The following NCALD variants were observed in gnomAD, a reference collection of about 807,000 sequenced individuals.
The protein encoded by NCALD is neurocalcin-delta.
In NCALD, 10 loss-of-function variants were observed where a neutral mutation model predicts 18.6. The ratio of observed to expected loss-of-function variants is 0.54; its 90% CI spans 0.33 to 0.91. The LOEUF is 0.91. Among genes scored for constraint, NCALD ranks in the 40% least tolerant of loss-of-function variants. The probability of loss-of-function intolerance (pLI) is 0.03; values close to 1 mark genes in which losing one functional copy is unlikely to be tolerated. For missense variants in NCALD, 184 were observed against 247.6 expected, an observed-to-expected ratio of 0.74 and a Z score of 1.72; for synonymous variants, 88 against 87.4, an observed-to-expected ratio of 1.01 and a Z score of -0.04.
intron 1 of NCALD, among the ~76,000 whole-genome samples, chr8:102,117,325 G>T (rs1171713561): frequency 6.6e-6 from 1 of 152,196 alleles, no homozygotes; most frequent in Non-Finnish European, 1.5e-5. Flanking sequence ...AGTAGGCCTA[G>T]TTCTGGCCCC....
chr8:101,949,630 C>T (rs2131802179), intron 2 of NCALD, among the ~76,000 whole-genome samples: 1 of 152,278 alleles, frequency 6.6e-6, no homozygotes, highest in African/African-American at 2.4e-5. Context: ...TACAGAGTAT[C>T]CTTCCCAGCC....
intron 4 of NCALD, among the ~76,000 whole-genome samples, chr8:101,858,262 T>C (rs776978311): frequency 3.3e-5 from 5 of 152,148 alleles, no homozygotes; most frequent in East Asian, 1.9e-4. Context: ...ATTGGATCTA[T>C]AGAGTGGAGC....
At chr8:102,094,156 G>A (rs1825016003) in intron 1 of NCALD, among the ~76,000 whole-genome samples, 1 of 152,166 alleles carries the variant, frequency 6.6e-6, no homozygotes, top group Admixed American at 6.5e-5. Context: ...CTTAGATGAT[G>A]TTCAGACTGG....
chr8:101,801,365 T>G (rs1006260368), intron 4 of NCALD, among the ~76,000 whole-genome samples: 1 of 152,098 alleles, frequency 6.6e-6, no homozygotes, highest in Non-Finnish European at 1.5e-5. Flanking sequence ...ATTAATATAT[T>G]AGTCAATATT....
chr8:101,731,508 T>C lies in NCALD; in HGVS notation c.-19-11860A>G, dbSNP rs149761940. Among the ~76,000 whole-genome samples, 240 of 152,252 alleles carry C rather than the reference T, an allele frequency of 1.6e-3. 1 individual carries two copies. Among genetic ancestry groups the C allele is most frequent in the Non-Finnish European group, 2.3e-3 (159 of 68,018 alleles). ...ATTAAATTGGAAATGGAGTTGGAAT[T>C]CCACGCCTCACTCCCCGCCCCCCAT... On this transcript the variant is annotated intron_variant, in intron 1 of 3. Transcript: ENST00000220931.
chr8:101,784,650 A>T (rs947782608), intron 1 of NCALD, among the ~76,000 whole-genome samples: 2 of 151,876 alleles, frequency 1.3e-5, no homozygotes, highest in Admixed American at 1.3e-4. Flanking sequence ...AAAAACAAAA[A>T]TTTAGCTGGG....
chr8:102,079,364 C>A (rs926699614), intron 1 of NCALD, among the ~76,000 whole-genome samples: 2 of 152,196 alleles, frequency 1.3e-5, no homozygotes, highest in Non-Finnish European at 2.9e-5. Context: ...GCACAACCAC[C>A]GTATTTTCCC....
intron 1 of NCALD, among the ~76,000 whole-genome samples, chr8:102,113,758 G>A (rs1036117040): frequency 2.6e-5 from 4 of 152,140 alleles, no homozygotes; most frequent in African/African-American, 4.8e-5. Flanking sequence ...CTTATATTTA[G>A]CCAAGAAACA....
intron 1 of NCALD, among the ~76,000 whole-genome samples, chr8:101,761,585 G>A (rs1472254853): frequency 6.6e-6 from 1 of 152,192 alleles, no homozygotes; most frequent in Non-Finnish European, 1.5e-5. Context: ...TCATTTGAAG[G>A]CACTGAGAGT....
intron 4 of NCALD, among the ~76,000 whole-genome samples, chr8:101,877,368 C>A (rs1450916834): frequency 1.3e-5 from 2 of 152,168 alleles, no homozygotes; most frequent in Non-Finnish European, 2.9e-5. Flanking sequence ...CCAGCATTCC[C>A]TGACTACCCA....
chr8:101,705,594 A>G (rs1815478238), intron 2 of NCALD, among the ~76,000 whole-genome samples: 1 of 152,170 alleles, frequency 6.6e-6, no homozygotes, highest in African/African-American at 2.4e-5. Flanking sequence ...TGCCTGGAGT[A>G]GGGGTGGACA....
chr8:101,850,817 C>T (rs1025271020), intron 4 of NCALD, among the ~76,000 whole-genome samples: 7 of 151,956 alleles, frequency 4.6e-5, no homozygotes, highest in Non-Finnish European at 1.0e-4. Flanking sequence ...AATGTAGCAC[C>T]TTTAATGAAA....
At chr8:101,706,333 AGTG>A (rs1333401309) in intron 2 of NCALD, among the ~76,000 whole-genome samples, 1 of 149,162 alleles carries the variant, frequency 6.7e-6, no homozygotes, top group African/African-American at 2.5e-5. Context: ...AAAAAAAGGG[AGTG>A]GTGGGGAGGT....
chr8:101,906,912 G>A (rs900427919), intron 3 of NCALD, among the ~76,000 whole-genome samples: 24 of 152,254 alleles, frequency 1.6e-4, no homozygotes, highest in African/African-American at 5.5e-4. Context: ...TTAATGCAAT[G>A]TTTTAAAGAA....
chr8:102,013,352 A>G, intron 2 of NCALD, among the ~76,000 whole-genome samples: 1 of 152,240 alleles, frequency 6.6e-6, no homozygotes, highest in East Asian at 1.9e-4. Context: ...CTCATTCTCC[A>G]ATACAGCAGC....
At chr8:102,022,143 A>G (rs1281122970) in intron 1 of NCALD, among the ~76,000 whole-genome samples, 1 of 152,156 alleles carries the variant, frequency 6.6e-6, no homozygotes, top group East Asian at 1.9e-4. Flanking sequence ...AAATCCAAAT[A>G]GAAACCAGAG....
chr8:101,892,119 C>T lies in NCALD; in HGVS notation c.-106-4892G>A, dbSNP rs539276541. Among the ~76,000 whole-genome samples the T allele has an allele frequency of 4.5e-3, 675 of 151,412 alleles. 6 individuals carry two copies. The highest frequency in any genetic ancestry group is 7.3e-3 in the Non-Finnish European group (498 of 67,960). ...TGCAGACTTAAATGTCCCTGTCTGA[C>T]AGCTTTGAAGAGAGCAGTGGTTCTC... On this transcript the variant is annotated intron_variant, in intron 3 of 6. Transcript: ENST00000311028.
At chr8:101,901,167 C>T (rs555568371) in intron 3 of NCALD, among the ~76,000 whole-genome samples, 23 of 151,910 alleles carry the variant, frequency 1.5e-4, no homozygotes, top group Non-Finnish European at 3.1e-4. Flanking sequence ...GCTATTCCTG[C>T]TTTTTAAAAA....
intron 4 of NCALD, among the ~76,000 whole-genome samples, chr8:101,808,882 TGAAA>T (rs888945504): frequency 4.6e-5 from 7 of 151,884 alleles, no homozygotes; most frequent in Non-Finnish European, 1.0e-4. Flanking sequence ...GACTTTTACA[TGAAA>T]GAGAGAGAGG....
Sources: gnomAD v4.1 joint callset for allele counts (sites outside exome capture counted in the v4.1 genomes callset) on GRCh38, gnomAD v4.1.1 for gene constraint, MANE v1.5 for transcripts, NCBI Gene and HGNC (gene_info 2026-07-23, HGNC 2026-07-21) for gene names.